DOCK2: variants seen among roughly 807,000 people sequenced by gnomAD.
DOCK2 encodes the protein dedicator of cytokinesis protein 2.
DOCK2 carries 87 observed loss-of-function variants against 248.9 expected under a neutral mutation model. The ratio of observed to expected loss-of-function variants is 0.35; its 90% CI spans 0.29 to 0.42. The LOEUF (loss-of-function observed/expected upper bound fraction) is 0.42, where lower values mean the gene tolerates loss of function less well. Ranked by LOEUF, DOCK2 falls within the 10% of genes least tolerant of loss-of-function variation. The probability of loss-of-function intolerance (pLI) is 1.00; values close to 1 mark genes in which losing one functional copy is unlikely to be tolerated. For missense variants in DOCK2, 1,747 were observed against 2,300.2 expected (o/e 0.76, Z 4.92); for synonymous variants, 805 against 821.6 (o/e 0.98, Z 0.35).
chr5:169,966,859 G>T (rs368290183), intron 27 of DOCK2, among the ~76,000 whole-genome samples: 1 of 152,114 alleles, frequency 6.6e-6, no homozygotes, highest in African/African-American at 2.4e-5. Flanking sequence ...ATCAGACTTT[G>T]GTCTAATGTT....
intron 5 of DOCK2, among the ~76,000 whole-genome samples, chr5:169,671,682 C>T (rs1759056818): frequency 6.6e-6 from 1 of 152,140 alleles, no homozygotes. Flanking sequence ...ATTTTAAATC[C>T]TCCTTTGATG....
chr5:169,993,992 A>C (rs1213725791), intron 29 of DOCK2, among the ~76,000 whole-genome samples: 1 of 152,194 alleles, frequency 6.6e-6, no homozygotes, highest in Non-Finnish European at 1.5e-5. Context: ...GACGTTACCA[A>C]AATTGTTTCC....
At chr5:169,893,455 C>T (rs1581371798) in intron 27 of DOCK2, among the ~76,000 whole-genome samples, 1 of 147,808 alleles carries the variant, frequency 6.8e-6, no homozygotes, top group Admixed American at 6.8e-5. Context: ...TTTTTCACTA[C>T]ATAACTGGGG....
chr5:169,697,119 A>C (rs1760677786), intron 10 of DOCK2, among the ~76,000 whole-genome samples: 1 of 152,156 alleles, frequency 6.6e-6, no homozygotes, highest in Non-Finnish European at 1.5e-5. Context: ...AATCTGATCT[A>C]AACTGGTAGA....
chr5:169,901,449 ATGTG>A (rs996053938), intron 27 of DOCK2, among the ~76,000 whole-genome samples: 10 of 152,096 alleles, frequency 6.6e-5, no homozygotes, highest in African/African-American at 2.4e-4. Flanking sequence ...GCATGCGTGC[ATGTG>A]TGTGTAGGAG....
chr5:169,938,149 G>T (rs988898289), intron 27 of DOCK2, among the ~76,000 whole-genome samples: 3 of 152,092 alleles, frequency 2.0e-5, no homozygotes, highest in South Asian at 2.1e-4. Context: ...CCTCTCTAAA[G>T]CTTGCAGTCT....
chr5:169,737,888 G>C (rs1316516443), intron 22 of DOCK2, among the ~76,000 whole-genome samples: 3 of 152,206 alleles, frequency 2.0e-5, no homozygotes, highest in Admixed American at 1.3e-4. Context: ...GCTCTAGCAA[G>C]TTAATCAAAC....
chr5:169,693,229 G>A (rs1218658059), intron 9 of DOCK2, among the ~76,000 whole-genome samples: 10 of 152,172 alleles, frequency 6.6e-5, no homozygotes, highest in Admixed American at 6.5e-4. Flanking sequence ...AGGAGGAAGA[G>A]GCAAGCATTG....
Position 169,681,844 on chromosome 5 carries a change from A to G in DOCK2, c.571A>G (p.Thr191Ala). ...CTTGTTCCATGCACATGAGGAAGCA[A>G]CTGATAAAATCACAGAGCGTATCAA... ...ISLFHAHEEA[T>A]DKITERIKEE... The change falls in exon 7 of 52, where the codon ACT (threonine) becomes GCT (alanine). Residue 191 changes from threonine (T) to alanine (A), a missense_variant. Physicochemically the swap from Thr to Ala is moderately conservative, Grantham distance 58 (BLOSUM62 0). Transcript: ENST00000520908. 1 of 1,614,022 alleles carries G rather than the reference A, an allele frequency of 6.2e-7. No individual in the cohort carries two copies.
chr5:169,681,510 C>G (rs183322878), intron 6 of DOCK2, among the ~76,000 whole-genome samples: 10 of 151,664 alleles, frequency 6.6e-5, no homozygotes, highest in African/African-American at 2.4e-4. Context: ...CAGTTTAATA[C>G]CATGGAAAAT....
rs771389619 is a variant in DOCK2 at position 169,983,057 on chromosome 5, A to G, written c.2800-11A>G. 1 of 1,613,892 alleles carries G rather than the reference A, an allele frequency of 6.2e-7. No individual in the cohort carries two copies. Among genetic ancestry groups the G allele is most frequent in the Non-Finnish European group, 8.5e-7 (1 of 1,179,824 alleles). Reference sequence around the variant, plus strand: ...TCAACTATTTATAGTATTTGTCTTCATTTCTTGCAGAGTCACTTTGTGGCA... The same window carrying G: ...TCAACTATTTATAGTATTTGTCTTCGTTTCTTGCAGAGTCACTTTGTGGCA... On this transcript the variant is annotated splice_polypyrimidine_tract_variant and intron_variant, in intron 27 of 51. Transcript: ENST00000520908.
chr5:169,744,894 G>A (rs1256858174), intron 22 of DOCK2, among the ~76,000 whole-genome samples: 1 of 152,096 alleles, frequency 6.6e-6, no homozygotes, highest in African/African-American at 2.4e-5. Context: ...GGAGGACCTG[G>A]GCAGAACTCC....
At chr5:169,919,736 C>T (rs537187852) in intron 27 of DOCK2, among the ~76,000 whole-genome samples, 114 of 152,260 alleles carry the variant, frequency 7.5e-4, no homozygotes, top group African/African-American at 2.6e-3. Flanking sequence ...TCTGAGTCCC[C>T]GCGAAACCTG....
chr5:169,977,131 T>C (rs181073855), intron 27 of DOCK2, among the ~76,000 whole-genome samples: 1 of 152,356 alleles, frequency 6.6e-6, no homozygotes, highest in East Asian at 1.9e-4. Context: ...TGGACACTGT[T>C]GTCACTTTTC....
intron 21 of DOCK2, among the ~76,000 whole-genome samples, chr5:169,717,810 C>T (rs1425028800): frequency 6.6e-6 from 1 of 152,122 alleles, no homozygotes; most frequent in African/African-American, 2.4e-5. Flanking sequence ...GCCTGTAATC[C>T]CAGGACTTTG....
At chr5:170,004,115 A>T (rs1383584601) in intron 30 of DOCK2, among the ~76,000 whole-genome samples, 2 of 152,256 alleles carry the variant, frequency 1.3e-5, no homozygotes, top group African/African-American at 4.8e-5. Context: ...AAAAATGTTC[A>T]TAGCAGCATA....
chr5:169,810,824 A>T (rs577107326), intron 26 of DOCK2, among the ~76,000 whole-genome samples: 16 of 152,116 alleles, frequency 1.1e-4, no homozygotes, highest in Non-Finnish European at 1.8e-4. Context: ...ATGGACTCCT[A>T]TGATTTTATT....
intron 5 of DOCK2, among the ~76,000 whole-genome samples, chr5:169,673,862 G>A (rs1013248200): frequency 6.6e-6 from 1 of 152,196 alleles, no homozygotes; most frequent in Non-Finnish European, 1.5e-5. Flanking sequence ...ACCACGAAGA[G>A]CCATCTTGCT....
At chr5:169,935,047 A>C (rs1273891641) in intron 27 of DOCK2, among the ~76,000 whole-genome samples, 2 of 152,188 alleles carry the variant, frequency 1.3e-5, no homozygotes, top group African/African-American at 2.4e-5. Context: ...AATTAATAGA[A>C]AGAGCACTGG....
Sources: gnomAD v4.1 joint callset for allele counts (sites outside exome capture counted in the v4.1 genomes callset) on GRCh38, gnomAD v4.1.1 for gene constraint, MANE v1.5 for transcripts, NCBI Gene and HGNC (gene_info 2026-07-23, HGNC 2026-07-21) for gene names.